SLC5A4: variants seen among roughly 807,000 people sequenced by gnomAD.
The protein encoded by SLC5A4 is solute carrier family 5 member 4.
A neutral mutation model predicts 70.3 loss-of-function variants in SLC5A4; 55 were observed. The observed-to-expected ratio is 0.78, with a 90% CI of 0.63 to 0.98. The LOEUF (loss-of-function observed/expected upper bound fraction) is 0.98, where lower values mean the gene tolerates loss of function less well. Among genes scored for constraint, SLC5A4 ranks in the 50% least tolerant of loss-of-function variants. SLC5A4 has a pLI of 0.00. For missense variants in SLC5A4, 735 were observed against 839.2 expected, an observed-to-expected ratio of 0.88 and a Z score of 1.53; for synonymous variants, 268 against 305.7, an observed-to-expected ratio of 0.88 and a Z score of 1.29.
chr22:32,321,854 G>A, the SLC5A4 span, among the ~76,000 whole-genome samples: 1 of 152,156 alleles, frequency 6.6e-6, no homozygotes, highest in East Asian at 1.9e-4. Context: ...CTTCCATACA[G>A]TTCTCAGAAG....
chr22:32,283,241 C>T, the SLC5A4 span, among the ~76,000 whole-genome samples: 45 of 152,378 alleles, frequency 3.0e-4, no homozygotes, highest in South Asian at 6.2e-4. Context: ...GCCCCAGGGC[C>T]TTTGCACTTG....
chr22:32,248,606 G>C (rs1481869603), intron 4 of SLC5A4, 137 bp downstream of exon 4: 7 of 665,970 alleles, frequency 1.1e-5, no homozygotes, highest in Non-Finnish European at 1.9e-5. Flanking sequence ...TTGAGACTGA[G>C]CTCCCATCTC....
intron 3 of SLC5A4, among the ~76,000 whole-genome samples, chr22:32,251,547 C>CCCTTCCA (rs1296313612): frequency 2.6e-5 from 4 of 151,730 alleles, no homozygotes; most frequent in Non-Finnish European, 5.9e-5. Flanking sequence ...TGCCCTATTG[C>CCCTTCCA]CCTTCCACCT....
At chr22:32,219,681 A>G (rs1278123242) in intron 14 of SLC5A4, among the ~76,000 whole-genome samples, 1 of 147,644 alleles carries the variant, frequency 6.8e-6, no homozygotes, top group African/African-American at 2.5e-5. Flanking sequence ...TAAATGGAAG[A>G]GAATACAAAT....
chr22:32,323,407 G>C, the SLC5A4 span, among the ~76,000 whole-genome samples: 1 of 152,194 alleles, frequency 6.6e-6, no homozygotes, highest in South Asian at 2.1e-4. Flanking sequence ...ACCTCTCTCT[G>C]TTCATTGGAT....
At chr22:32,271,496 C>A in the SLC5A4 span, 1 of 727,192 alleles carries the variant, frequency 1.4e-6, no homozygotes. Flanking sequence ...TCCTTCACAA[C>A]ATCAGCTTCC....
chr22:32,297,294 T>G, the SLC5A4 span, among the ~76,000 whole-genome samples: 23 of 149,630 alleles, frequency 1.5e-4, no homozygotes, highest in East Asian at 4.6e-3. Flanking sequence ...GGACTCTTTT[T>G]GGTTGGTAAG....
At chr22:32,340,133 C>G in the SLC5A4 span, among the ~76,000 whole-genome samples, 1 of 60,212 alleles carries the variant, frequency 1.7e-5, no homozygotes, top group Non-Finnish European at 2.9e-5. Context: ...CCAGGAATCT[C>G]TCTCCGAGCC....
chr22:32,346,339 G>T, the SLC5A4 span, among the ~76,000 whole-genome samples: 1 of 152,086 alleles, frequency 6.6e-6, no homozygotes, highest in Non-Finnish European at 1.5e-5. Context: ...TTTCTTCACA[G>T]AATTGGAAAA....
the SLC5A4 span, among the ~76,000 whole-genome samples, chr22:32,353,004 G>A: frequency 6.6e-6 from 1 of 152,246 alleles, no homozygotes; most frequent in South Asian, 2.1e-4. Context: ...GGCAGGCAAA[G>A]CCAAGAAAGC....
At chr22:32,330,280 CTGGTGTATA>C in the SLC5A4 span, among the ~76,000 whole-genome samples, 1 of 33,800 alleles carries the variant, frequency 3.0e-5, no homozygotes, top group African/African-American at 1.4e-4. Context: ...TTGGGGGGCT[CTGGTGTATA>C]TGTTGGGGGC....
At chr22:32,251,172 A>C (rs1448215523) in intron 3 of SLC5A4, among the ~76,000 whole-genome samples, 3 of 150,718 alleles carry the variant, frequency 2.0e-5, no homozygotes, top group East Asian at 3.9e-4. Flanking sequence ...AAAAAAAAAA[A>C]AAAACCAAAG....
chr22:32,267,525 CTGGAGTGCAG>C, the SLC5A4 span, among the ~76,000 whole-genome samples: 1 of 152,194 alleles, frequency 6.6e-6, no homozygotes, highest in African/African-American at 2.4e-5. Context: ...ATCACCCAGG[CTGGAGTGCAG>C]TGGCACGATC....
intron 1 of SLC5A4, among the ~76,000 whole-genome samples, 162 bp downstream of exon 1, chr22:32,255,033 A>G (rs567292514): frequency 1.4e-4 from 22 of 152,310 alleles, no homozygotes; most frequent in Non-Finnish European, 2.4e-4. Flanking sequence ...AGGAGAATAC[A>G]TTAGTTCATT....
chr22:32,219,193 A>G (rs1237852135), intron 14 of SLC5A4, among the ~76,000 whole-genome samples: 1 of 152,222 alleles, frequency 6.6e-6, no homozygotes, highest in East Asian at 1.9e-4. Context: ...ATACTGTGTT[A>G]GTGAGTTTGC....
the SLC5A4 span, among the ~76,000 whole-genome samples, chr22:32,300,434 C>T: frequency 0.33 from 50,412 of 151,492 alleles, 8,605 homozygotes; most frequent in Admixed American, 0.42. Flanking sequence ...AGGTGCCGTC[C>T]GTCACCCCTT....
chr22:32,312,183 G>A, the SLC5A4 span, among the ~76,000 whole-genome samples: 5 of 152,038 alleles, frequency 3.3e-5, no homozygotes, highest in African/African-American at 4.8e-5. Flanking sequence ...CAAATCCCCA[G>A]TGCTCCCTGA....
chr22:32,340,318 CT>C, the SLC5A4 span, among the ~76,000 whole-genome samples: 1 of 152,190 alleles, frequency 6.6e-6, no homozygotes, highest in Non-Finnish European at 1.5e-5. Context: ...GTCTAGGTGC[CT>C]TCTGTGCACA....
the SLC5A4 span, among the ~76,000 whole-genome samples, chr22:32,294,675 T>TTTTA: frequency 6.6e-6 from 1 of 150,998 alleles, no homozygotes; most frequent in Non-Finnish European, 1.5e-5. Flanking sequence ...CTTTTTCTTT[T>TTTTA]TATTATACTT....
Sources: gnomAD v4.1 joint callset for allele counts (sites outside exome capture counted in the v4.1 genomes callset) on GRCh38, gnomAD v4.1.1 for gene constraint, MANE v1.5 for transcripts, NCBI Gene and HGNC (gene_info 2026-07-23, HGNC 2026-07-21) for gene names.